GMDS: variants seen among roughly 807,000 people sequenced by gnomAD.
GMDS encodes GDP-mannose 4,6 dehydratase.
GMDS carries 20 observed loss-of-function variants against 49.9 expected under a neutral mutation model. The observed-to-expected ratio is 0.40, with a 90% CI of 0.28 to 0.58. GMDS has a LOEUF of 0.58. Among genes scored for constraint, GMDS ranks in the 20% least tolerant of loss-of-function variants. GMDS has a pLI of 0.42. For missense variants in GMDS, 362 were observed against 481.4 expected (o/e 0.75, Z 2.32); for synonymous variants, 177 against 178.6 (o/e 0.99, Z 0.07).
At chr6:1,808,507 A>C (rs116546687) in intron 7 of GMDS, among the ~76,000 whole-genome samples, 1 of 152,168 alleles carries the variant, frequency 6.6e-6, no homozygotes. Flanking sequence ...CTTACTTTCA[A>C]AAGAAATGGA....
chr6:1,959,910 A>G lies in GMDS; in HGVS notation c.600T>C (p.Phe200=). Residue 200 remains phenylalanine (F), a synonymous_variant, in exon 6 of 11, where the codon TTT becomes TTC. Coordinates refer to ENST00000380815, the MANE Select transcript of GMDS (RefSeq NM_001500.4). The stretch of plus-strand genomic sequence containing the variant: ...GATTGAAGAGAATGCCGTTCACTGC[A>G]AAGAGATTATACGCCTCACGGAAGT... ...VVNFREAYNL[F]AVNGILFNHE... 8.7e-6 allele frequency: 14 copies of G among 1,611,720 alleles called. No homozygotes were observed. Among genetic ancestry groups the G allele is most frequent in the Non-Finnish European group, 1.2e-5 (14 of 1,178,776 alleles).
Position 2,170,944 on chromosome 6 carries a change from G to A in GMDS, c.103-46213C>T, listed in dbSNP as rs563588944. 5.9e-4 allele frequency among the ~76,000 whole-genome samples: 89 copies of A among 151,274 alleles called. 1 individual carries two copies. The highest frequency in any genetic ancestry group is 1.8e-3 in the African/African-American group (76 of 41,192). Reference sequence around the variant, plus strand: ...CAGGAGGCAGAGCTTGTGGTGAGCCGAGATTGCACCACTGCACTCCAGCCT... The same window carrying A: ...CAGGAGGCAGAGCTTGTGGTGAGCCAAGATTGCACCACTGCACTCCAGCCT... On this transcript the variant is annotated intron_variant, in intron 1 of 10. Coordinates refer to ENST00000380815, the MANE Select transcript of GMDS (RefSeq NM_001500.4).
Position 2,068,411 on chromosome 6 carries a change from A to G in GMDS, c.345+47360T>C, listed in dbSNP as rs1333436462. Among the ~76,000 whole-genome samples the G allele has an allele frequency of 3.9e-5, 6 of 151,956 alleles. No homozygotes were observed. In the South Asian group the frequency reaches 8.4e-4, roughly 21 times the overall value. ...ATTCAACATAGTGTTGGAAGTTCTG[A>G]CCAGGGCAATTAGGCAGGAGAAGGA... is the stretch of plus-strand genomic sequence containing the variant. On this transcript the variant is annotated intron_variant, in intron 4 of 10. Transcript: ENST00000380815.
chr6:1,892,534 T>C (rs1488381445), intron 7 of GMDS, among the ~76,000 whole-genome samples: 1 of 152,122 alleles, frequency 6.6e-6, no homozygotes, highest in Non-Finnish European at 1.5e-5. Context: ...AATTTTTGTA[T>C]TTTTAGTAGA....
Position 1,765,197 on chromosome 6 carries a change from C to T in GMDS, c.772-22611G>A, listed in dbSNP as rs77742914. Among the ~76,000 whole-genome samples, 1,491 of 152,134 alleles carry T rather than the reference C, an allele frequency of 9.8e-3. 19 individuals carry two copies. The highest frequency in any genetic ancestry group is 0.033 in the African/African-American group (1,358 of 41,502). ...AACTGGAGATTGTGCTTTTTGGAAC[C>T]GGATTCTAACTTAAGCATGGTAGCA... is the stretch of plus-strand genomic sequence containing the variant. On this transcript the variant is annotated intron_variant, in intron 7 of 10. Coordinates refer to ENST00000380815, the MANE Select transcript of GMDS (RefSeq NM_001500.4).
chr6:1,950,910 C>A (rs1257009900), intron 6 of GMDS, among the ~76,000 whole-genome samples: 1 of 152,102 alleles, frequency 6.6e-6, no homozygotes, highest in Non-Finnish European at 1.5e-5. Flanking sequence ...ACAGGACAGG[C>A]GTTTGTTATA....
At chr6:2,160,841 T>C (rs1399765052) in intron 1 of GMDS, among the ~76,000 whole-genome samples, 2 of 151,952 alleles carry the variant, frequency 1.3e-5, no homozygotes, top group Non-Finnish European at 2.9e-5. Flanking sequence ...AAGACTCTGA[T>C]GTATTGTTGT....
intron 4 of GMDS, among the ~76,000 whole-genome samples, chr6:2,039,620 G>T (rs543033354): frequency 6.6e-6 from 1 of 151,354 alleles, no homozygotes; most frequent in African/African-American, 2.4e-5. Flanking sequence ...ATGAAGACAC[G>T]AGCACACACA....
In GMDS at chr6:1,996,149, C is replaced by T. The variant is rs369292895; in HGVS notation, c.346-35183G>A. On this transcript the variant is annotated intron_variant, in intron 4 of 10. Coordinates refer to ENST00000380815, the MANE Select transcript of GMDS (RefSeq NM_001500.4). ...TTCCTCCTTCCTCTTCTTCCTCCTTCCTCTTCCTTCCTCCTTCCTCTTTCT... is the reference window on the plus strand; with the variant it reads ...TTCCTCCTTCCTCTTCTTCCTCCTTTCTCTTCCTTCCTCCTTCCTCTTTCT... Among the ~76,000 whole-genome samples, 26 of 151,648 alleles carry T rather than the reference C, an allele frequency of 1.7e-4. 2 individuals carry two copies. The highest frequency in any genetic ancestry group is 3.4e-3 in the Middle Eastern group (1 of 294).
intron 4 of GMDS, among the ~76,000 whole-genome samples, chr6:1,994,115 ATC>A (rs1766129410): frequency 6.6e-6 from 1 of 152,260 alleles, no homozygotes; most frequent in African/African-American, 2.4e-5. Context: ...ATAGTTAAGA[ATC>A]TGAATAATTT....
intron 8 of GMDS, among the ~76,000 whole-genome samples, chr6:1,739,178 T>C (rs1269237998): frequency 6.6e-6 from 1 of 152,154 alleles, no homozygotes; most frequent in Non-Finnish European, 1.5e-5. Flanking sequence ...GGATAAAAAG[T>C]GCACATAAAG....
chr6:2,028,170 G>C (rs889975919), intron 4 of GMDS, among the ~76,000 whole-genome samples: 4 of 152,110 alleles, frequency 2.6e-5, no homozygotes, highest in Non-Finnish European at 5.9e-5. Context: ...GAATACTTTT[G>C]TTCACACAAA....
intron 7 of GMDS, among the ~76,000 whole-genome samples, chr6:1,838,554 T>C (rs551169964): frequency 6.6e-6 from 1 of 152,332 alleles, no homozygotes; most frequent in African/African-American, 2.4e-5. Context: ...CAATTTTATT[T>C]TACACTGACT....
intron 6 of GMDS, among the ~76,000 whole-genome samples, chr6:1,958,635 C>T (rs775681511): frequency 5.9e-5 from 9 of 152,144 alleles, no homozygotes; most frequent in African/African-American, 1.4e-4. Context: ...AATGTACTGA[C>T]GCTAAAGATT....
intron 4 of GMDS, among the ~76,000 whole-genome samples, chr6:2,076,586 G>A (rs1474430021): frequency 6.6e-6 from 1 of 152,124 alleles, no homozygotes; most frequent in Non-Finnish European, 1.5e-5. Flanking sequence ...GAACAGAACA[G>A]AGCCCTCAGA....
chr6:1,940,110 T>C (rs992189816), intron 6 of GMDS, among the ~76,000 whole-genome samples: 2 of 152,252 alleles, frequency 1.3e-5, no homozygotes, highest in African/African-American at 2.4e-5. Flanking sequence ...TTTTCAAATG[T>C]ATATTTCCTA....
Position 1,720,583 on chromosome 6 carries a change from G to A in GMDS, c.987+5833C>T, listed in dbSNP as rs1766346946. ...TCTGATCAGCATTCCACACTACTGT[G>A]GTCCAAAAGTTATGGGAGCACAGGA... On this transcript the variant is annotated intron_variant, in intron 9 of 10. Transcript: ENST00000380815. 2.0e-5 allele frequency among the ~76,000 whole-genome samples: 3 copies of A among 152,168 alleles called. No homozygotes were observed. In the South Asian group the frequency reaches 6.2e-4, roughly 31 times the overall value.
chr6:1,682,978 A>G (rs889613564), intron 9 of GMDS, among the ~76,000 whole-genome samples: 7 of 152,260 alleles, frequency 4.6e-5, no homozygotes, highest in African/African-American at 1.7e-4. Flanking sequence ...AGCCCCCAAT[A>G]TAAGACCCGT....
intron 1 of GMDS, among the ~76,000 whole-genome samples, chr6:2,174,985 G>A (rs1437100951): frequency 6.6e-6 from 1 of 152,196 alleles, no homozygotes; most frequent in African/African-American, 2.4e-5. Flanking sequence ...TACAGCCACT[G>A]TGGGGCATCA....
Sources: allele counts gnomAD v4.1 joint callset (sites outside exome capture counted in the v4.1 genomes callset), GRCh38; gene constraint gnomAD v4.1.1; transcripts MANE v1.5; gene names NCBI Gene and HGNC (gene_info 2026-07-23, HGNC 2026-07-21).